The following LRRC15 variants were observed in gnomAD, a reference collection of about 807,000 sequenced individuals.
The protein encoded by LRRC15 is leucine-rich repeat-containing protein 15.
In LRRC15, 5 loss-of-function variants were observed where a neutral mutation model predicts 4.3. That is an observed-to-expected ratio of 1.16 (90% CI 0.61 to 2.44). The LOEUF (loss-of-function observed/expected upper bound fraction) is 2.44, where lower values mean the gene tolerates loss of function less well. Ranked by LOEUF, LRRC15 falls within the 30% of genes most tolerant of loss-of-function variation. LRRC15 has a pLI of 0.01. For missense variants in LRRC15, 769 were observed against 747.0 expected, an observed-to-expected ratio of 1.03 and a Z score of -0.34; for synonymous variants, 337 against 323.2, an observed-to-expected ratio of 1.04 and a Z score of -0.46.
intron 1 of LRRC15, among the ~76,000 whole-genome samples, chr3:194,365,762 G>A (rs558048751): frequency 9.8e-5 from 15 of 152,294 alleles, no homozygotes; most frequent in African/African-American, 3.6e-4. Context: ...AGGAACTCAT[G>A]CCCATCTTTT....
rs761511957 is a variant in LRRC15 at position 194,360,094 on chromosome 3, C to T, written c.950G>A (p.Arg317His). Residue 317 changes from arginine (R) to histidine (H), a missense_variant, in exon 2 of 2, where the codon CGC becomes CAC. By Grantham distance (29) the Arg-to-His change is conservative. Transcript: ENST00000347624. ...GCTAAGAATCAGGACCTGCAACTGG[C>T]GGAGGTTGCTGAAGACATTGTCGGG... ...SLPDNVFSNL[R>H]QLQVLILSRN... 3.5e-5 allele frequency: 56 copies of T among 1,614,032 alleles called. No individual in the cohort carries two copies. The East Asian group carries it at 1.0e-3, about 29-fold the overall frequency.
Position 194,359,568 on chromosome 3 carries a change from G to T in LRRC15, c.1476C>A (p.Asp492Glu). Residue 492 changes from aspartate to glutamate, a missense_variant, in exon 2 of 2, where the codon GAC becomes GAA. By Grantham distance (45) the Asp-to-Glu change is conservative. Transcript: ENST00000347624. ...ATGTGGTGTCAGGGTAACTGGGTGTGTCTGGGTACCATGGTGTTTCTGGGT... is the reference window on the plus strand; with the variant it reads ...ATGTGGTGTCAGGGTAACTGGGTGTTTCTGGGTACCATGGTGTTTCTGGGT... ...PSYPETPWYPDTPSYPDTTSV... is the reference protein window; with the variant it reads ...PSYPETPWYPETPSYPDTTSV... The T allele has an allele frequency of 6.2e-7, 1 of 1,614,040 alleles. No individual in the cohort carries two copies. The highest frequency in any genetic ancestry group is 1.1e-5 in the South Asian group (1 of 91,048).
intron 1 of LRRC15, chr3:194,363,304 A>G: frequency 5.8e-6 from 4 of 684,774 alleles, no homozygotes; most frequent in Non-Finnish European, 1.1e-5. Flanking sequence ...TTTTACATTA[A>G]GAACTTGACT....
chr3:194,362,938 TG>T (rs368997217), intron 1 of LRRC15, among the ~76,000 whole-genome samples: 2,053 of 87,954 alleles, frequency 0.023, 76 homozygotes, highest in African/African-American at 0.066. Flanking sequence ...ACCTTGATTT[TG>T]TTTTTTTTTT....
In LRRC15 at chr3:194,358,397, A is replaced by G. The variant is rs1713494486; in HGVS notation, c.*901T>C. The G allele has an allele frequency of 6.6e-6, 1 of 152,228 alleles. No homozygotes were observed. The highest frequency in any genetic ancestry group is 2.4e-5 in the African/African-American group (1 of 41,466). 9.4% of individuals were successfully genotyped at this position (152,228 alleles called of 1,614,324 possible). A position where few individuals can be genotyped will look rare whatever the true frequency, so the allele number is the denominator to read the frequency against. On this transcript the variant is annotated 3_prime_UTR_variant, in exon 2 of 2. Coordinates refer to ENST00000347624, the MANE Select transcript of LRRC15 (RefSeq NM_130830.5). ...AATTAAAAATTTTAAAACAAACTCT[A>G]GGGGTGAACACAGGGACCCCCAGGC...
Position 194,360,329 on chromosome 3 carries a change from C to A in LRRC15, c.715G>T (p.Gly239Cys), listed in dbSNP as rs1560045282. Residue 239 changes from glycine to cysteine, a missense_variant, in exon 2 of 2, where the codon GGT becomes TGT. Transcript: ENST00000347624. ...AGGTTGTGGTTGTTGTGGAAGAGAC[C>A]AGGGGAGAGCAGTCCAATCTGGTTC... Reference protein sequence around the residue: ...QQNQIGLLSPGLFHNNHNLQR... With the variant: ...QQNQIGLLSPCLFHNNHNLQR... 2 of 1,613,902 alleles carry A rather than the reference C, an allele frequency of 1.2e-6. No individual in the cohort carries two copies. Among genetic ancestry groups the A allele is most frequent in the African/African-American group, 1.3e-5 (1 of 74,856 alleles).
At chr3:194,368,938 C>G (rs1713864011) in intron 1 of LRRC15, among the ~76,000 whole-genome samples, 1 of 152,236 alleles carries the variant, frequency 6.6e-6, no homozygotes, top group Admixed American at 6.5e-5. Context: ...ACTCCCTGCT[C>G]AAAGCCTCCA....
Position 194,359,518 on chromosome 3 carries a change from G to T in LRRC15, c.1526C>A (p.Thr509Asn). 6.2e-7 allele frequency: 1 copy of T among 1,614,238 alleles called. No individual in the cohort carries two copies. ...ATCAGTGTAGTCTTCCACAGGGCTG[G>T]TTAGCTCAGTGGTAGAAGAGACGGA... is the stretch of plus-strand genomic sequence containing the variant. Reference protein sequence around the residue: ...TTSVSSTTELTSPVEDYTDLT... With the variant: ...TTSVSSTTELNSPVEDYTDLT... Residue 509 changes from threonine to asparagine, a missense_variant, in exon 2 of 2, where the codon ACC becomes AAC. By Grantham distance (65) the Thr-to-Asn change is moderately conservative. Transcript: ENST00000347624.
In LRRC15 at chr3:194,360,830, G is replaced by A; in HGVS notation, c.214C>T (p.Pro72Ser). 2 of 1,614,024 alleles carry A rather than the reference G, an allele frequency of 1.2e-6. No individual in the cohort carries two copies. The highest frequency in any genetic ancestry group is 1.7e-6 in the Non-Finnish European group (2 of 1,179,976). ...NTHITELNES[P>S]FLNISALIAL... The stretch of plus-strand genomic sequence containing the variant: ...ATGAGGGCTGAGATATTGAGGAACG[G>A]GGACTCATTGAGTTCAGTGATGTGC... The change falls in exon 2 of 2, where the codon CCG becomes TCG. Residue 72 changes from proline (P) to serine (S), a missense_variant. Pro to Ser is a moderately conservative substitution (Grantham distance 74, BLOSUM62 -1). Coordinates refer to ENST00000347624, the MANE Select transcript of LRRC15 (RefSeq NM_130830.5).
At position 194,359,929 on chromosome 3, in the gene LRRC15, AG is replaced by A; in HGVS notation, c.1114del (p.Leu372CysfsTer74). ...RMLANLQNIS[L>X]QNNRLRQLPG... ...GAGCTGTCTGAGGCGGTTGTTCTGC[AG>A]GGAGATGTTCTGCAGGTTGGCCAAC... On this transcript the variant is annotated frameshift_variant, in exon 2 of 2. Transcript: ENST00000347624. LOFTEE classifies it low-confidence loss of function (END_TRUNC). 2 of 1,614,160 alleles carry A rather than the reference AG, an allele frequency of 1.2e-6. No homozygotes were observed. The highest frequency in any genetic ancestry group is 1.7e-6 in the Non-Finnish European group (2 of 1,180,008).
In LRRC15 at chr3:194,359,250, C is replaced by T. The variant is rs564952990; in HGVS notation, c.*48G>A. On this transcript the variant is annotated 3_prime_UTR_variant, in exon 2 of 2. Coordinates refer to ENST00000347624, the MANE Select transcript of LRRC15 (RefSeq NM_130830.5). ...GGTGGAGGCAGAAAGATGAAATTCC[C>T]AGGTCCTCCAGTCCCATCATTCCCC... 3.0e-5 allele frequency: 44 copies of T among 1,489,540 alleles called. No individual in the cohort carries two copies. In the African/African-American group the frequency reaches 5.3e-4, roughly 18 times the overall value. The allele number at this position is 1,489,540 out of a possible 1,614,324, so 92.3% of individuals were successfully genotyped here. A position where few individuals can be genotyped will look rare whatever the true frequency, so the allele number is the denominator to read the frequency against.
At chr3:194,366,517 C>T (rs1713783810) in intron 1 of LRRC15, among the ~76,000 whole-genome samples, 1 of 151,876 alleles carries the variant, frequency 6.6e-6, no homozygotes, top group Non-Finnish European at 1.5e-5. Flanking sequence ...CTCAGAAACA[C>T]CACGTGAGGT....
intron 1 of LRRC15, among the ~76,000 whole-genome samples, chr3:194,361,642 T>A (rs1359104730): frequency 6.6e-6 from 1 of 152,162 alleles, no homozygotes; most frequent in Non-Finnish European, 1.5e-5. Flanking sequence ...GGGAAGATGG[T>A]GAGGCCACAA....
chr3:194,359,419 G>T lies in LRRC15; in HGVS notation c.1625C>A (p.Ala542Asp). The change falls in exon 2 of 2, where the codon GCC becomes GAC. Residue 542 changes from alanine to aspartate, a missense_variant. Transcript: ENST00000347624. Reference protein sequence around the residue: ...MTQAQSGLAIAAIVIGIVALA... With the variant: ...MTQAQSGLAIDAIVIGIVALA... ...GGCGACAATGCCAATTACAATGGCG[G>T]CAATGGCCAGCCCGCTCTGGGCCTG... The T allele has an allele frequency of 6.2e-7, 1 of 1,614,244 alleles. No individual in the cohort carries two copies. Among genetic ancestry groups the T allele is most frequent in the African/African-American group, 1.3e-5 (1 of 75,064 alleles).
chr3:194,368,385 C>G (rs1352948943), intron 1 of LRRC15, among the ~76,000 whole-genome samples: 2 of 152,108 alleles, frequency 1.3e-5, no homozygotes, highest in Admixed American at 6.5e-5. Flanking sequence ...CATGACCTGA[C>G]TGTCTGTCGA....
intron 1 of LRRC15, among the ~76,000 whole-genome samples, chr3:194,367,649 T>C (rs1713820384): frequency 6.6e-6 from 1 of 152,170 alleles, no homozygotes; most frequent in African/African-American, 2.4e-5. Context: ...TTTACCTGTG[T>C]CTCTGCTCAA....
chr3:194,363,450 G>A (rs1457057859), intron 1 of LRRC15: 1 of 652,768 alleles, frequency 1.5e-6, no homozygotes, highest in Admixed American at 2.7e-5. Flanking sequence ...CAAATGTCAG[G>A]TCCAGAACCC....
At chr3:194,367,557 C>T (rs1272053222) in intron 1 of LRRC15, among the ~76,000 whole-genome samples, 3 of 152,188 alleles carry the variant, frequency 2.0e-5, no homozygotes, top group African/African-American at 4.8e-5. Flanking sequence ...CCTCCCGCCT[C>T]GGCCTCCCAA....
In LRRC15 at chr3:194,360,074, G is replaced by T; in HGVS notation, c.970C>A (p.Leu324Ile). 6.2e-7 allele frequency: 1 copy of T among 1,614,238 alleles called. No homozygotes were observed. Among genetic ancestry groups the T allele is most frequent in the Non-Finnish European group, 8.5e-7 (1 of 1,180,048 alleles). ...SNLRQLQVLI[L>I]SRNQISFISP... ...ATGAAGCTGATCTGATTGCGGCTAAGAATCAGGACCTGCAACTGGCGGAGG... is the reference window on the plus strand; with the variant it reads ...ATGAAGCTGATCTGATTGCGGCTAATAATCAGGACCTGCAACTGGCGGAGG... Residue 324 changes from leucine (L) to isoleucine (I), a missense_variant, in exon 2 of 2, where the codon CTT (leucine) becomes ATT (isoleucine). By Grantham distance (5) the Leu-to-Ile change is conservative. Coordinates refer to ENST00000347624, the MANE Select transcript of LRRC15 (RefSeq NM_130830.5).
Sources: gnomAD v4.1 joint callset for allele counts (sites outside exome capture counted in the v4.1 genomes callset) on GRCh38, gnomAD v4.1.1 for gene constraint, MANE v1.5 for transcripts, NCBI Gene and HGNC (gene_info 2026-07-23, HGNC 2026-07-21) for gene names.